The following INSIG2 variants were observed in gnomAD, a reference collection of about 807,000 sequenced individuals.
INSIG2 encodes the protein insulin induced gene 2.
In INSIG2, 10 loss-of-function variants were observed where a neutral mutation model predicts 27.2. That is an observed-to-expected ratio of 0.37 (90% CI 0.23 to 0.62). The LOEUF is 0.62. INSIG2 is among the 20% of genes least tolerant of loss of function. INSIG2 has a pLI of 0.65. For synonymous variants in INSIG2, 97 were observed against 95.8 expected (o/e 1.01, Z -0.07); for missense variants, 178 against 270.2 (o/e 0.66, Z 2.39).
Position 118,096,464 on chromosome 2 carries a change from A to C in INSIG2, c.-93A>C. The stretch of plus-strand genomic sequence containing the variant: ...TTAGGACAAGATGTGGTACCGTTGA[A>C]GCGTCAGTCTTTGATTCACAGACAG... On this transcript the variant is annotated 5_prime_UTR_variant, in exon 2 of 6. Transcript: ENST00000245787. 7.7e-7 allele frequency: 1 copy of C among 1,296,522 alleles called. No homozygotes were observed. The highest frequency in any genetic ancestry group is 1.1e-6 in the Non-Finnish European group (1 of 947,972). The allele number at this position is 1,296,522 out of a possible 1,614,324, so 80.3% of individuals were successfully genotyped here.
At chr2:118,103,942 C>G (rs931615067) in intron 3 of INSIG2, among the ~76,000 whole-genome samples, 3 of 152,172 alleles carry the variant, frequency 2.0e-5, no homozygotes, top group Non-Finnish European at 4.4e-5. Flanking sequence ...CAGGTAGCCC[C>G]TATTCCCCTT....
intron 1 of INSIG2, among the ~76,000 whole-genome samples, chr2:118,092,401 T>C (rs1207052138): frequency 3.3e-5 from 5 of 152,226 alleles, no homozygotes; most frequent in Admixed American, 2.0e-4. Context: ...TTTATTCTCA[T>C]CATCTTTGTG....
In INSIG2 at chr2:118,106,890, A is replaced by T; in HGVS notation, c.523A>T (p.Asn175Tyr). ...TGTGGTCACTCAACTGCTAGTATAT[A>T]ATGGTGTTTACCAGTAAGTATTAAT... ...ATVVTQLLVY[N>Y]GVYQYTSPDF... Residue 175 changes from asparagine to tyrosine, a missense_variant, in exon 4 of 6, where the codon AAT (asparagine) becomes TAT (tyrosine). Asn to Tyr is a moderately radical substitution (Grantham distance 143, BLOSUM62 -2). Transcript: ENST00000245787. 6.2e-7 allele frequency: 1 copy of T among 1,614,086 alleles called. No individual in the cohort carries two copies. The highest frequency in any genetic ancestry group is 8.5e-7 in the Non-Finnish European group (1 of 1,179,950).
intron 1 of INSIG2, among the ~76,000 whole-genome samples, chr2:118,092,713 T>C (rs1352977470): frequency 6.6e-6 from 1 of 152,192 alleles, no homozygotes. Context: ...GATGATAATG[T>C]CTACCTTTAT....
chr2:118,094,645 A>C (rs1331964743), intron 1 of INSIG2, among the ~76,000 whole-genome samples: 1 of 152,182 alleles, frequency 6.6e-6, no homozygotes, highest in Non-Finnish European at 1.5e-5. Flanking sequence ...TTGGGAACAG[A>C]ATTTCCTCTT....
chr2:118,094,598 A>G (rs1177578582), intron 1 of INSIG2, among the ~76,000 whole-genome samples: 1 of 152,192 alleles, frequency 6.6e-6, no homozygotes, highest in African/African-American at 2.4e-5. Context: ...ATAGAGTTCA[A>G]TTACATTATA....
chr2:118,106,290 T>G (rs1342052885), intron 3 of INSIG2, among the ~76,000 whole-genome samples: 1 of 152,228 alleles, frequency 6.6e-6, no homozygotes, highest in Non-Finnish European at 1.5e-5. Context: ...TATTTTCAAG[T>G]TCCTGTACGA....
At chr2:118,108,174 G>T (rs1194403766) in intron 5 of INSIG2, 107 bp from the exon 6 acceptor site, 2 of 669,046 alleles carry the variant, frequency 3.0e-6, no homozygotes, top group East Asian at 3.0e-5. Flanking sequence ...GAATAAATGG[G>T]CACATAGTAA....
chr2:118,093,685 GAGGAGA>G (rs1678323334), intron 1 of INSIG2, among the ~76,000 whole-genome samples: 1 of 126,266 alleles, frequency 7.9e-6, no homozygotes, highest in Non-Finnish European at 1.6e-5. Context: ...GGAGGAGGAG[GAGGAGA>G]GTTCTGTAGC....
intron 2 of INSIG2, among the ~76,000 whole-genome samples, chr2:118,102,083 C>T (rs1323331551): frequency 1.3e-5 from 2 of 152,172 alleles, no homozygotes; most frequent in Non-Finnish European, 2.9e-5. Context: ...CCTCTTGTCC[C>T]TCAGGCACTT....
intron 1 of INSIG2, among the ~76,000 whole-genome samples, chr2:118,094,186 G>A (rs1440649142): frequency 7.4e-6 from 1 of 136,012 alleles, no homozygotes; most frequent in Non-Finnish European, 1.6e-5. Context: ...TGATGAGGAG[G>A]AGGAGGAGGA....
At chr2:118,100,793 GTT>G (rs1261607165) in intron 2 of INSIG2, among the ~76,000 whole-genome samples, 1 of 152,152 alleles carries the variant, frequency 6.6e-6, no homozygotes, top group Admixed American at 6.5e-5. Flanking sequence ...CTCATGGAGT[GTT>G]TTCGTTTATT....
At chr2:118,101,302 T>C (rs998443753) in intron 2 of INSIG2, among the ~76,000 whole-genome samples, 3 of 152,202 alleles carry the variant, frequency 2.0e-5, no homozygotes, top group Non-Finnish European at 4.4e-5. Flanking sequence ...ATGGATTTGA[T>C]TTTTATTGGC....
chr2:118,103,095 AG>A, intron 2 of INSIG2, 101 bp from the exon 3 acceptor site: 1 of 974,426 alleles, frequency 1.0e-6, no homozygotes, highest in Non-Finnish European at 1.4e-6. Flanking sequence ...TTTTTTTTTA[AG>A]AATCTTTAAA....
rs563506663 is a variant in INSIG2, at chr2:118,099,222, C to T, written c.244+2422C>T. Among the ~76,000 whole-genome samples the T allele has an allele frequency of 1.4e-4, 21 of 152,284 alleles. No individual in the cohort carries two copies. In the South Asian group the frequency reaches 4.1e-3, roughly 30 times the overall value. On this transcript the variant is annotated intron_variant, in intron 2 of 5. Coordinates refer to ENST00000245787, the MANE Select transcript of INSIG2 (RefSeq NM_016133.4). ...TTTCAAGACCTCGCTAGGGTCTTACCATCTTAAGTCAGAAAAACTGATAAT... is the reference window on the plus strand; with the variant it reads ...TTTCAAGACCTCGCTAGGGTCTTACTATCTTAAGTCAGAAAAACTGATAAT...
In INSIG2 at chr2:118,108,508, A is replaced by G. The variant is rs970104382; in HGVS notation, c.*186A>G. 1.7e-5 allele frequency: 8 copies of G among 472,230 alleles called. No homozygotes were observed. The highest frequency in any genetic ancestry group is 1.1e-4 in the South Asian group (3 of 26,780). 29.3% of individuals were successfully genotyped at this position (472,230 alleles called of 1,614,324 possible). On this transcript the variant is annotated 3_prime_UTR_variant, in exon 6 of 6. Transcript: ENST00000245787. ...TATTACTGCAATCTGTGATTGCTTC[A>G]TCTGTAAATCAGTTGTAAACCTTTA...
At chr2:118,092,859 AGAT>A (rs760155161) in intron 1 of INSIG2, among the ~76,000 whole-genome samples, 12 of 148,116 alleles carry the variant, frequency 8.1e-5, no homozygotes, top group African/African-American at 1.7e-4. Flanking sequence ...AAAAGCAACC[AGAT>A]GATGATGATG....
intron 1 of INSIG2, among the ~76,000 whole-genome samples, chr2:118,095,884 G>A (rs954426805): frequency 3.3e-5 from 5 of 152,182 alleles, no homozygotes; most frequent in South Asian, 2.1e-4. Flanking sequence ...GTTTTTGTGC[G>A]GATAACCAAA....
Position 118,110,402 on chromosome 2 carries a change from C to T in INSIG2, c.*2080C>T, listed in dbSNP as rs1678784144. The T allele has an allele frequency of 6.6e-6, 1 of 151,994 alleles. No homozygotes were observed. Among genetic ancestry groups the T allele is most frequent in the South Asian group, 2.1e-4 (1 of 4,822 alleles). The allele number at this position is 151,994 out of a possible 1,614,324, so 9.4% of individuals were successfully genotyped here. A position where few individuals can be genotyped will look rare whatever the true frequency, so the allele number is the denominator to read the frequency against. On this transcript the variant is annotated 3_prime_UTR_variant, in exon 6 of 6. Transcript: ENST00000245787. Reference sequence around the variant, plus strand: ...AGTGGAAGTGGACCATCCTAAAAGTCTTCACTCATGCTATCTTCATGCTGA... The same window carrying T: ...AGTGGAAGTGGACCATCCTAAAAGTTTTCACTCATGCTATCTTCATGCTGA...
Sources: gnomAD v4.1 joint callset for allele counts (sites outside exome capture counted in the v4.1 genomes callset) on GRCh38, gnomAD v4.1.1 for gene constraint, MANE v1.5 for transcripts, NCBI Gene and HGNC (gene_info 2026-07-23, HGNC 2026-07-21) for gene names.